Variants in RBFOX2 observed in about 807,000 individuals in gnomAD.
The protein encoded by RBFOX2 is RNA binding protein fox-1 homolog 2.
RBFOX2 carries 10 observed loss-of-function variants against 49.1 expected under a neutral mutation model. The observed-to-expected ratio is 0.20, with a 90% confidence interval of 0.13 to 0.35. The LOEUF (loss-of-function observed/expected upper bound fraction) is 0.35. RBFOX2 is among the 10% of genes least tolerant of loss of function. The pLI is 1.00. For missense variants in RBFOX2, 323 were observed against 486.9 expected, an observed-to-expected ratio of 0.66 and a Z score of 3.17; for synonymous variants, 183 against 187.4, an observed-to-expected ratio of 0.98 and a Z score of 0.19.
chr22:35,933,258 C>A (rs1351871060), intron 1 of RBFOX2, among the ~76,000 whole-genome samples: 4 of 152,158 alleles, frequency 2.6e-5, no homozygotes, highest in African/African-American at 9.7e-5. Flanking sequence ...AAAGCCCAAG[C>A]CACCTAGCTG....
intron 1 of RBFOX2, among the ~76,000 whole-genome samples, chr22:35,833,054 A>G (rs1957080381): frequency 6.6e-6 from 1 of 152,218 alleles, no homozygotes; most frequent in African/African-American, 2.4e-5. Context: ...TATGTACCCC[A>G]TAAATATGTA....
chr22:35,803,876 C>T (rs1462216909), intron 2 of RBFOX2, among the ~76,000 whole-genome samples: 2 of 152,072 alleles, frequency 1.3e-5, no homozygotes, highest in South Asian at 2.1e-4. Flanking sequence ...ATCTAAAGAA[C>T]AGAAGGAAAA....
intron 1 of RBFOX2, among the ~76,000 whole-genome samples, chr22:35,871,209 C>G (rs1400934410): frequency 6.6e-6 from 1 of 152,182 alleles, no homozygotes; most frequent in Non-Finnish European, 1.5e-5. Flanking sequence ...AACATGTTTC[C>G]AAGACCTATG....
In RBFOX2 at chr22:35,930,120, C is replaced by G. The variant is rs547890002; in HGVS notation, c.-34+8727G>C. Among the ~76,000 whole-genome samples the G allele has an allele frequency of 8.4e-4, 125 of 148,194 alleles. 1 individual carries two copies. The highest frequency in any genetic ancestry group is 6.0e-3 in the South Asian group (28 of 4,678). ...CACTGCAACCTCCGCCTCCTGGGTT[C>G]AAGCGATTCTCGTGCCTCAGCTCCC... On this transcript the variant is annotated intron_variant, in intron 1 of 13. Transcript: ENST00000359369.
At chr22:35,876,956 C>T (rs1010346690) in intron 1 of RBFOX2, among the ~76,000 whole-genome samples, 1 of 152,152 alleles carries the variant, frequency 6.6e-6, no homozygotes, top group African/African-American at 2.4e-5. Flanking sequence ...TCACCTTGCA[C>T]GTTGGTTGGT....
At chr22:35,808,716 G>A (rs755676733) in intron 2 of RBFOX2, among the ~76,000 whole-genome samples, 1 of 152,058 alleles carries the variant, frequency 6.6e-6, no homozygotes, top group Non-Finnish European at 1.5e-5. Context: ...TGGGCGTGGG[G>A]TGTGTGCTTG....
chr22:35,863,693 T>C (rs766322430), intron 1 of RBFOX2, among the ~76,000 whole-genome samples: 51 of 152,312 alleles, frequency 3.3e-4, no homozygotes, highest in African/African-American at 1.2e-3. Flanking sequence ...CTGACTTTGA[T>C]TTAATGCAGC....
At chr22:35,887,787 A>C (rs2046772676) in intron 1 of RBFOX2, among the ~76,000 whole-genome samples, 3 of 152,084 alleles carry the variant, frequency 2.0e-5, no homozygotes, top group Admixed American at 1.3e-4. Flanking sequence ...CACCAACTGT[A>C]TTTTTCCACC....
chr22:35,809,424 G>A (rs1951401812), intron 2 of RBFOX2, among the ~76,000 whole-genome samples: 1 of 152,060 alleles, frequency 6.6e-6, no homozygotes, highest in African/African-American at 2.4e-5. Flanking sequence ...AATATTCCTA[G>A]GTTTTGCTTG....
intron 1 of RBFOX2, among the ~76,000 whole-genome samples, chr22:35,849,310 C>CACACAA (rs1569379935): frequency 2.6e-5 from 4 of 150,964 alleles, no homozygotes; most frequent in Non-Finnish European, 5.9e-5. Context: ...CACACACACA[C>CACACAA]ACACACACAC....
chr22:35,860,167 T>G (rs2042951145), intron 1 of RBFOX2, among the ~76,000 whole-genome samples: 1 of 152,150 alleles, frequency 6.6e-6, no homozygotes, highest in Admixed American at 6.5e-5. Context: ...GCTTTGTGAC[T>G]CACATTGGTC....
intron 1 of RBFOX2, among the ~76,000 whole-genome samples, chr22:36,023,808 A>G (rs2059332032): frequency 6.6e-6 from 1 of 151,902 alleles, no homozygotes; most frequent in Admixed American, 6.6e-5. Context: ...CTCCTCTTCC[A>G]CCTACATCAA....
At chr22:35,938,426 T>C (rs535391546) in intron 1 of RBFOX2, among the ~76,000 whole-genome samples, 5 of 152,280 alleles carry the variant, frequency 3.3e-5, no homozygotes, top group African/African-American at 1.2e-4. Flanking sequence ...TAAGGCTGAA[T>C]TCCCCCAGGG....
exon 1 of RBFOX2, chr22:36,028,332 C>T (rs2059530940): frequency 2.0e-6 from 3 of 1,500,182 alleles, no homozygotes; most frequent in Middle Eastern, 2.4e-4. Context: ...GCTCCGGGCA[C>T]CGGCAGCTCC....
chr22:35,977,722 CTATATATATATA>C (rs375088964), intron 1 of RBFOX2, among the ~76,000 whole-genome samples: 7,906 of 80,836 alleles, frequency 0.098, 528 homozygotes, highest in Non-Finnish European at 0.14. Context: ...CCTGAATGAA[CTATATATATATA>C]TATATATATA....
intron 1 of RBFOX2, among the ~76,000 whole-genome samples, chr22:35,983,167 A>C (rs2057542451): frequency 6.6e-6 from 1 of 152,200 alleles, no homozygotes; most frequent in African/African-American, 2.4e-5. Flanking sequence ...CAACTTTTCA[A>C]CAAGGTGCTG....
Position 35,923,150 on chromosome 22 carries a change from A to G in RBFOX2, c.-34+15697T>C, listed in dbSNP as rs762649178. Among the ~76,000 whole-genome samples, 12 of 152,158 alleles carry G rather than the reference A, an allele frequency of 7.9e-5. 1 individual carries two copies. The highest frequency in any genetic ancestry group is 7.4e-5 in the Non-Finnish European group (5 of 68,024). ...TTGGCTAATACTTATCAGCAATCCT[A>G]TAAAAGCATCCCATCTTACAAATGA... On this transcript the variant is annotated intron_variant, in intron 1 of 13. Coordinates refer to the RBFOX2 transcript ENST00000359369.
At chr22:35,943,978 T>C (rs940200179) in intron 1 of RBFOX2, among the ~76,000 whole-genome samples, 2 of 152,198 alleles carry the variant, frequency 1.3e-5, no homozygotes, top group Non-Finnish European at 2.9e-5. Flanking sequence ...GCAAGAAAAA[T>C]AGCATCTGAC....
intron 1 of RBFOX2, among the ~76,000 whole-genome samples, chr22:35,977,595 G>A (rs2057234922): frequency 6.6e-6 from 1 of 151,516 alleles, no homozygotes; most frequent in Non-Finnish European, 1.5e-5. Flanking sequence ...AACTTTCTAC[G>A]GTAATGGACG....
Sources: allele counts gnomAD v4.1 joint callset (sites outside exome capture counted in the v4.1 genomes callset), GRCh38; gene constraint gnomAD v4.1.1; transcripts MANE v1.5; gene names NCBI Gene and HGNC (gene_info 2026-07-23, HGNC 2026-07-21).